The following ADAMTSL2 variants were observed in gnomAD, a reference collection of about 807,000 sequenced individuals.
The protein encoded by ADAMTSL2 is ADAMTS like 2, also known as ADAMTS-like protein 2.
Under a neutral mutation model 117.0 loss-of-function variants are expected in ADAMTSL2, and 55 were observed. That is an observed-to-expected ratio of 0.47 (90% confidence interval 0.38 to 0.59). The LOEUF (loss-of-function observed/expected upper bound fraction) is 0.59. Ranked by LOEUF, ADAMTSL2 falls within the 20% of genes least tolerant of loss-of-function variation. The pLI is 0.00. For missense variants in ADAMTSL2, 1,182 were observed against 1,354.5 expected, an observed-to-expected ratio of 0.87 and a Z score of 2.00; for synonymous variants, 572 against 566.4, an observed-to-expected ratio of 1.01 and a Z score of -0.14.
At chr9:133,547,797 C>G (rs113319137) in intron 9 of ADAMTSL2, among the ~76,000 whole-genome samples, 11 of 152,358 alleles carry the variant, frequency 7.2e-5, no homozygotes, top group African/African-American at 2.6e-4. Flanking sequence ...TGCCCCTCCC[C>G]TGACATGGCC....
At chr9:133,542,924 C>T (rs1267579135) in intron 7 of ADAMTSL2, among the ~76,000 whole-genome samples, 2 of 152,120 alleles carry the variant, frequency 1.3e-5, no homozygotes, top group Non-Finnish European at 2.9e-5. Flanking sequence ...AACAAAGTCA[C>T]CATTTTCTAA....
At chr9:133,540,531 G>A in intron 5 of ADAMTSL2, 67 bp from the exon 6 acceptor site, 1 of 1,584,000 alleles carries the variant, frequency 6.3e-7, no homozygotes, top group Non-Finnish European at 8.6e-7. Context: ...GGGAGGAAAA[G>A]GGAAGTCCTC....
chr9:133,564,649 G>GGAGAGAGA (rs1830914617), intron 12 of ADAMTSL2, among the ~76,000 whole-genome samples: 1 of 27,804 alleles, frequency 3.6e-5, no homozygotes, highest in Non-Finnish European at 7.8e-5. Flanking sequence ...AGGGAGAGAG[G>GGAGAGAGA]GAGAGAGGGA....
Position 133,547,186 on chromosome 9 carries a change from G to A in ADAMTSL2, c.912G>A (p.Gly304=), listed in dbSNP as rs758446604. ...GAATCGAGTACATCGTGGCACAGGG[G>A]CCCACCAACCAGGGCCTGAATGTCA... The part of the protein sequence containing the change: ...ETGIEYIVAQ[G]PTNQGLNVMV... The change falls in exon 9 of 19, where the codon GGG becomes GGA. Residue 304 remains glycine (G), a synonymous_variant. Transcript: ENST00000651351. 3.2e-5 allele frequency: 52 copies of A among 1,613,882 alleles called. No homozygotes were observed. The highest frequency in any genetic ancestry group is 4.4e-5 in the Non-Finnish European group (52 of 1,179,946).
chr9:133,568,954 C>T (rs1831041304), intron 15 of ADAMTSL2, among the ~76,000 whole-genome samples, 196 bp downstream of exon 15: 1 of 152,164 alleles, frequency 6.6e-6, no homozygotes, highest in Non-Finnish European at 1.5e-5. Context: ...TTCCCTCTAT[C>T]ACCTGTTTAT....
intron 11 of ADAMTSL2, among the ~76,000 whole-genome samples, chr9:133,560,602 C>A (rs1322196976): frequency 6.6e-6 from 1 of 152,242 alleles, no homozygotes; most frequent in Admixed American, 6.5e-5. Context: ...CAGCGTGCCT[C>A]CCCCGACCCC....
intron 5 of ADAMTSL2, 73 bp downstream of exon 5, chr9:133,539,946 G>T: frequency 7.4e-7 from 1 of 1,358,284 alleles, no homozygotes; most frequent in Non-Finnish European, 1.0e-6. Context: ...CGGCACCTGG[G>T]ACCAAACTCG....
intron 3 of ADAMTSL2, among the ~76,000 whole-genome samples, chr9:133,537,826 C>T (rs1440535684): frequency 6.6e-6 from 1 of 152,216 alleles, no homozygotes; most frequent in Non-Finnish European, 1.5e-5. Context: ...AGGCGGAGAA[C>T]CACCCTGACT....
intron 9 of ADAMTSL2, among the ~76,000 whole-genome samples, chr9:133,551,419 C>A (rs1214015650): frequency 3.3e-5 from 5 of 152,162 alleles, no homozygotes; most frequent in Non-Finnish European, 7.3e-5. Context: ...CCTGGGTGTG[C>A]CTAGTCCTGG....
intron 1 of ADAMTSL2, among the ~76,000 whole-genome samples, chr9:133,536,223 G>A (rs920278564): frequency 1.3e-5 from 2 of 152,222 alleles, no homozygotes; most frequent in African/African-American, 4.8e-5. Context: ...ATTCTCCTGC[G>A]AGGCCAGCAA....
chr9:133,537,372 G>C, intron 2 of ADAMTSL2, 33 bp from the exon 3 acceptor site: 1 of 1,333,238 alleles, frequency 7.5e-7, no homozygotes, highest in Admixed American at 2.9e-5. Context: ...GGGCACTTGA[G>C]CCCTCTACCA....
chr9:133,568,086 G>A (rs1465151581), intron 13 of ADAMTSL2, among the ~76,000 whole-genome samples, 187 bp from the exon 14 acceptor site: 6 of 152,340 alleles, frequency 3.9e-5, no homozygotes, highest in East Asian at 1.9e-4. Flanking sequence ...GAAGACCTCC[G>A]GGGCCGTCAT....
intron 17 of ADAMTSL2, among the ~76,000 whole-genome samples, 169 bp downstream of exon 17, chr9:133,570,676 T>C (rs1831085437): frequency 1.3e-5 from 2 of 152,188 alleles, no homozygotes; most frequent in Non-Finnish European, 2.9e-5. Context: ...CGTCAGCTGG[T>C]GCGAGAGCCA....
At chr9:133,534,638 G>T, upstream of ADAMTSL2, 1 of 1,305,172 alleles carries the variant, frequency 7.7e-7, no homozygotes, top group East Asian at 3.1e-5. Flanking sequence ...CGGCCTGGTG[G>T]GAAGTGTGAG....
At chr9:133,532,264 T>G (rs1221784402), upstream of ADAMTSL2, 18 of 152,192 alleles carry the variant, frequency 1.2e-4, no homozygotes, top group Admixed American at 1.2e-3. Context: ...CGGCGAGATC[T>G]CGGCTCACTG....
chr9:133,569,711 C>T, intron 16 of ADAMTSL2, 133 bp downstream of exon 16: 1 of 932,732 alleles, frequency 1.1e-6, no homozygotes, highest in South Asian at 1.6e-5. Flanking sequence ...GGGACAATTC[C>T]CTAAAAATTA....
intron 7 of ADAMTSL2, among the ~76,000 whole-genome samples, chr9:133,542,648 T>C (rs918389152): frequency 3.9e-5 from 6 of 152,200 alleles, no homozygotes; most frequent in African/African-American, 1.2e-4. Context: ...TGCTGAAATA[T>C]ACAGAAACAG....
chr9:133,554,268 C>T lies in ADAMTSL2; in HGVS notation c.940-89C>T, dbSNP rs1476629692. The T allele has an allele frequency of 3.1e-5, 38 of 1,223,608 alleles. No homozygotes were observed. The highest frequency in any genetic ancestry group is 6.0e-5 in the African/African-American group (4 of 66,426). The allele number at this position is 1,223,608 out of a possible 1,614,324, so 75.8% of individuals were successfully genotyped here. ...CTCAACTGCCAGTCACAGCAGGGAACGCACCCTGCAGCTCTGTGGGAAGGG... is the reference window on the plus strand; with the variant it reads ...CTCAACTGCCAGTCACAGCAGGGAATGCACCCTGCAGCTCTGTGGGAAGGG... On this transcript the variant is annotated intron_variant, in intron 9 of 18. Coordinates refer to ENST00000651351, the MANE Select transcript of ADAMTSL2 (RefSeq NM_014694.4). The surrounding 1 kb of genome is among the most constrained non-coding windows in gnomAD (Gnocchi z 5.2).
At chr9:133,538,451 C>A in intron 4 of ADAMTSL2, 27 bp downstream of exon 4, 1 of 1,611,512 alleles carries the variant, frequency 6.2e-7, no homozygotes, top group Non-Finnish European at 8.5e-7. Flanking sequence ...GCAGGGGCAC[C>A]ATGGCCTGCT....
Sources: allele counts gnomAD v4.1 joint callset (sites outside exome capture counted in the v4.1 genomes callset), GRCh38; gene constraint gnomAD v4.1.1; non-coding constraint Gnocchi (gnomAD v3.1); transcripts MANE v1.5; gene names NCBI Gene and HGNC (gene_info 2026-07-23, HGNC 2026-07-21).